Variants in EXOC6B observed in about 807,000 individuals in gnomAD.
EXOC6B encodes the protein exocyst complex component 6B.
A neutral mutation model predicts 113.5 loss-of-function variants in EXOC6B; 54 were observed. The ratio of observed to expected loss-of-function variants is 0.48; its 90% CI spans 0.38 to 0.60. EXOC6B has a LOEUF of 0.60. Among genes scored for constraint, EXOC6B ranks in the 20% least tolerant of loss-of-function variants. The pLI is 0.00. For synonymous variants in EXOC6B, 357 were observed against 339.0 expected (o/e 1.05, Z -0.58); for missense variants, 797 against 977.5 (o/e 0.82, Z 2.46).
intron 1 of EXOC6B, among the ~76,000 whole-genome samples, chr2:72,780,080 T>C (rs1683934848): frequency 2.0e-5 from 3 of 152,318 alleles, no homozygotes; most frequent in Admixed American, 2.0e-4. Flanking sequence ...TGAGTTTCTG[T>C]CACTTGCAAC....
intron 20 of EXOC6B, among the ~76,000 whole-genome samples, chr2:72,311,917 A>G (rs925746931): frequency 6.6e-6 from 1 of 152,178 alleles, no homozygotes; most frequent in Non-Finnish European, 1.5e-5. Flanking sequence ...GAAGATTCTT[A>G]TGTTTTGTCC....
At chr2:72,639,367 C>T (rs140323745) in intron 6 of EXOC6B, among the ~76,000 whole-genome samples, 1 of 152,286 alleles carries the variant, frequency 6.6e-6, no homozygotes, top group Non-Finnish European at 1.5e-5. Context: ...CCTGCCAGCA[C>T]CCTGCCCCTG....
intron 18 of EXOC6B, among the ~76,000 whole-genome samples, chr2:72,408,816 C>T (rs997719205): frequency 2.6e-5 from 4 of 152,274 alleles, no homozygotes; most frequent in African/African-American, 9.6e-5. Context: ...GCAAGGACTT[C>T]ATGTCTAAAA....
intron 6 of EXOC6B, among the ~76,000 whole-genome samples, chr2:72,678,648 G>A (rs1026561379): frequency 2.6e-5 from 4 of 152,190 alleles, no homozygotes; most frequent in African/African-American, 9.7e-5. Context: ...AGAGGTTGCT[G>A]TGAGCCAAGA....
chr2:72,227,906 T>C (rs192585110), intron 20 of EXOC6B, among the ~76,000 whole-genome samples: 1 of 152,296 alleles, frequency 6.6e-6, no homozygotes, highest in Non-Finnish European at 1.5e-5. Context: ...ACACAACTAA[T>C]GTGGCTTCCT....
intron 20 of EXOC6B, among the ~76,000 whole-genome samples, chr2:72,251,939 T>TC (rs991843155): frequency 1.3e-5 from 2 of 152,036 alleles, no homozygotes; most frequent in East Asian, 1.9e-4. Context: ...AACCCATATT[T>TC]CCCCCCCTTC....
intron 20 of EXOC6B, among the ~76,000 whole-genome samples, chr2:72,220,402 C>T (rs1379349202): frequency 6.6e-6 from 1 of 152,068 alleles, no homozygotes; most frequent in Non-Finnish European, 1.5e-5. Context: ...CTCCTCATGC[C>T]CCCTGGGGGC....
chr2:72,770,484 TCAAACA>T (rs1257438539), intron 1 of EXOC6B, among the ~76,000 whole-genome samples: 1 of 152,154 alleles, frequency 6.6e-6, no homozygotes, highest in Non-Finnish European at 1.5e-5. Flanking sequence ...CATTCCATAA[TCAAACA>T]CATTCATATT....
intron 17 of EXOC6B, among the ~76,000 whole-genome samples, chr2:72,478,979 A>G (rs751222717): frequency 7.2e-5 from 11 of 152,206 alleles, no homozygotes; most frequent in Non-Finnish European, 1.3e-4. Flanking sequence ...AGTATTTGAG[A>G]GTAATTATAA....
chr2:72,666,430 A>C (rs1675394118), intron 6 of EXOC6B, among the ~76,000 whole-genome samples: 1 of 152,164 alleles, frequency 6.6e-6, no homozygotes, highest in Admixed American at 6.5e-5. Context: ...AAAAAATTAA[A>C]TCACCCCACA....
chr2:72,487,713 A>G (rs1190470896), intron 16 of EXOC6B, among the ~76,000 whole-genome samples: 1 of 152,124 alleles, frequency 6.6e-6, no homozygotes, highest in Non-Finnish European at 1.5e-5. Flanking sequence ...ATGTCTTTCA[A>G]TTTTTGTTTG....
chr2:72,389,342 T>A (rs1220128322), intron 18 of EXOC6B, among the ~76,000 whole-genome samples: 2 of 151,952 alleles, frequency 1.3e-5, no homozygotes, highest in Admixed American at 6.5e-5. Flanking sequence ...TTTACCTCCT[T>A]CCAGGTGATT....
At chr2:72,677,486 T>C (rs991418572) in intron 6 of EXOC6B, among the ~76,000 whole-genome samples, 11 of 152,170 alleles carry the variant, frequency 7.2e-5, no homozygotes, top group African/African-American at 2.7e-4. Flanking sequence ...CCCAACTCTT[T>C]CCTCTACAGC....
chr2:72,420,396 C>T (rs1558650048), intron 18 of EXOC6B, among the ~76,000 whole-genome samples: 1 of 152,158 alleles, frequency 6.6e-6, no homozygotes. Context: ...TAGCCACACA[C>T]CCCTAAACAG....
chr2:72,357,654 G>A (rs996981576), intron 19 of EXOC6B, among the ~76,000 whole-genome samples: 9 of 151,498 alleles, frequency 5.9e-5, no homozygotes, highest in African/African-American at 1.7e-4. Context: ...CAGTGCCACC[G>A]CACTCCAGCC....
intron 6 of EXOC6B, among the ~76,000 whole-genome samples, chr2:72,662,898 A>G (rs1327890783): frequency 1.3e-5 from 2 of 151,892 alleles, no homozygotes; most frequent in Non-Finnish European, 2.9e-5. Flanking sequence ...TAATTTTTGT[A>G]TTTTTAGTAG....
At chr2:72,612,228 T>A (rs1020134713) in intron 6 of EXOC6B, among the ~76,000 whole-genome samples, 1 of 151,390 alleles carries the variant, frequency 6.6e-6, no homozygotes, top group African/African-American at 2.4e-5. Context: ...TGAGCTGAGA[T>A]CACACCACTG....
chr2:72,426,582 A>C (rs963896792), intron 18 of EXOC6B, among the ~76,000 whole-genome samples: 2 of 152,150 alleles, frequency 1.3e-5, no homozygotes, highest in Admixed American at 6.5e-5. Context: ...TTTCAAACAT[A>C]CTTCTATAAG....
chr2:72,684,990 G>GA (rs1199675846), intron 6 of EXOC6B, among the ~76,000 whole-genome samples: 3 of 151,828 alleles, frequency 2.0e-5, no homozygotes, highest in Non-Finnish European at 4.4e-5. Context: ...TACCTCAAAA[G>GA]AAAAAAAATC....
Sources: allele counts gnomAD v4.1 joint callset (sites outside exome capture counted in the v4.1 genomes callset), GRCh38; gene constraint gnomAD v4.1.1; transcripts MANE v1.5; gene names NCBI Gene and HGNC (gene_info 2026-07-23, HGNC 2026-07-21).